IL18BP: variants seen among roughly 807,000 people sequenced by gnomAD.
The protein encoded by IL18BP is interleukin-18-binding protein.
In IL18BP, 23 loss-of-function variants were observed where a neutral mutation model predicts 19.9. The ratio of observed to expected loss-of-function variants is 1.15; its 90% CI spans 0.83 to 1.64. IL18BP has a LOEUF of 1.64. IL18BP is among the 40% of genes most tolerant of loss of function. IL18BP has a pLI of 0.00. For synonymous variants in IL18BP, 107 were observed against 101.0 expected (o/e 1.06, Z -0.35); for missense variants, 239 against 240.7 (o/e 0.99, Z 0.05).
intron 2 of IL18BP, 101 bp from the exon 3 acceptor site, chr11:72,000,249 TC>T: frequency 9.0e-7 from 1 of 1,116,404 alleles, no homozygotes; most frequent in South Asian, 1.3e-5. Context: ...CCGCTCTGAT[TC>T]CCTGGCTAGA....
At position 72,001,556 on chromosome 11, in the gene IL18BP, A is replaced by G; in HGVS notation, c.507+4A>G. ...CGTCGTCCTGGCCCAGCTCTGGGTG[A>G]GGAGCCCAAGGAGAGGCCTCCAGGA... On this transcript the variant is annotated splice_donor_region_variant and intron_variant, in intron 5 of 5. Transcript: ENST00000393703. The G allele has an allele frequency of 6.2e-7, 1 of 1,610,272 alleles. No homozygotes were observed. The highest frequency in any genetic ancestry group is 8.5e-7 in the Non-Finnish European group (1 of 1,178,290).
Position 72,001,978 on chromosome 11 carries a change from C to T in IL18BP, c.*117C>T. On this transcript the variant is annotated 3_prime_UTR_variant, in exon 6 of 6. Coordinates refer to ENST00000393703, the MANE Select transcript of IL18BP (RefSeq NM_001039660.2). ...GCTGCGTGGATGCGCAACACACCCC[C>T]TCCTTCTCTGCTTTGGGTCCCTTCT... 6.9e-7 allele frequency: 1 copy of T among 1,442,848 alleles called. No homozygotes were observed. The highest frequency in any genetic ancestry group is 9.4e-7 in the Non-Finnish European group (1 of 1,061,800). 89.4% of individuals were successfully genotyped at this position (1,442,848 alleles called of 1,614,324 possible). A position where few individuals can be genotyped will look rare whatever the true frequency, so the allele number is the denominator to read the frequency against.
downstream of IL18BP, chr11:72,005,347 G>A: frequency 1.2e-6 from 2 of 1,608,018 alleles, no homozygotes; most frequent in Non-Finnish European, 1.7e-6. Context: ...CCTGGCAAGT[G>A]CCCATGTAGA....
At chr11:71,999,219 G>A in intron 1 of IL18BP, 200 bp downstream of exon 1, 1 of 486,742 alleles carries the variant, frequency 2.1e-6, no homozygotes, top group Admixed American at 2.2e-5. Flanking sequence ...CCAACTTGGG[G>A]TTCCCCAGTG....
At position 72,000,383 on chromosome 11, in the gene IL18BP, G is replaced by A. The variant is rs186377970; in HGVS notation, c.61G>A (p.Ala21Thr). 1.5e-5 allele frequency: 24 copies of A among 1,613,936 alleles called. No homozygotes were observed. In the East Asian group the frequency reaches 5.1e-4, roughly 34 times the overall value. Residue 21 changes from alanine (A) to threonine (T), a missense_variant, in exon 3 of 6, where the codon GCC becomes ACC. Ala to Thr is a moderately conservative substitution (Grantham distance 58, BLOSUM62 0). Coordinates refer to ENST00000393703, the MANE Select transcript of IL18BP (RefSeq NM_001039660.2). The part of the protein sequence containing the change: ...LSPLWVLLLC[A>T]HVVTLLVRAT... ...CCCTTTGTGGGTCCTGCTCCTGTGT[G>A]CCCACGTCGTCACTCTCCTGGTCAG...
Position 72,000,373 on chromosome 11 carries a change from G to C in IL18BP, c.51G>C (p.Leu17=). ...CAGACCTCAGCCCTTTGTGGGTCCT[G>C]CTCCTGTGTGCCCACGTCGTCACTC... The part of the protein sequence containing the change: ...WTPDLSPLWV[L]LLCAHVVTLL... Residue 17 remains leucine (L), a synonymous_variant, in exon 3 of 6, where the codon CTG becomes CTC. Coordinates refer to ENST00000393703, the MANE Select transcript of IL18BP (RefSeq NM_001039660.2). The C allele has an allele frequency of 6.2e-7, 1 of 1,613,902 alleles. No homozygotes were observed. The highest frequency in any genetic ancestry group is 8.5e-7 in the Non-Finnish European group (1 of 1,180,006).
downstream of IL18BP, chr11:72,003,847 C>T: frequency 6.2e-7 from 1 of 1,601,740 alleles, no homozygotes; most frequent in Non-Finnish European, 8.5e-7. Context: ...TGCCCATGCT[C>T]TCATCGGGTT....
At chr11:72,004,145 C>T (rs2134341064), downstream of IL18BP, 1 of 1,610,466 alleles carries the variant, frequency 6.2e-7, no homozygotes, top group South Asian at 1.1e-5. Context: ...GCTGCCTTCC[C>T]AGGCCAGCGT....
rs773698241 is a variant in IL18BP, at chr11:72,000,545, G to C, written c.223G>C (p.Glu75Gln). Residue 75 changes from glutamate (E) to glutamine (Q), a missense_variant, in exon 3 of 6, where the codon GAA becomes CAA. Coordinates refer to ENST00000393703, the MANE Select transcript of IL18BP (RefSeq NM_001039660.2). ...ATTGGAAGTGACCTGGCCAGAGGTGGAAGTGCCACTGAGTAAGAAGCACAG... is the reference window on the plus strand; with the variant it reads ...ATTGGAAGTGACCTGGCCAGAGGTGCAAGTGCCACTGAGTAAGAAGCACAG... Reference protein sequence around the residue: ...PALEVTWPEVEVPLNGTLSLS... With the variant: ...PALEVTWPEVQVPLNGTLSLS... 6.2e-6 allele frequency: 10 copies of C among 1,610,884 alleles called. No individual in the cohort carries two copies. Among genetic ancestry groups the C allele is most frequent in the Middle Eastern group, 1.6e-4 (1 of 6,076 alleles).
At chr11:71,999,876 C>T in intron 1 of IL18BP, 51 bp from the exon 2 acceptor site, 5 of 1,127,700 alleles carry the variant, frequency 4.4e-6, no homozygotes, top group Non-Finnish European at 6.5e-6. Context: ...AAGCCAGCTA[C>T]TGAGAAAAAG....
At chr11:72,005,562 T>C (rs1225693805), downstream of IL18BP, 36 of 570,092 alleles carry the variant, frequency 6.3e-5, no homozygotes, top group Non-Finnish European at 9.1e-5. Context: ...CTCACCACCT[T>C]CTCCCTGGAG....
downstream of IL18BP, chr11:72,004,025 C>G (rs1955479220): frequency 6.2e-7 from 1 of 1,613,498 alleles, no homozygotes; most frequent in Non-Finnish European, 8.5e-7. Flanking sequence ...TTGAGGCTCC[C>G]CGCCGCAGAA....
In IL18BP at chr11:72,000,608, G is replaced by A. The variant is rs750264939; in HGVS notation, c.235+51G>A. ...GGCTATGGGCACAGAGGTTCCCAGGGTCGGGTTGACTCCTGAGCGCCAGTC... is the reference window on the plus strand; with the variant it reads ...GGCTATGGGCACAGAGGTTCCCAGGATCGGGTTGACTCCTGAGCGCCAGTC... On this transcript the variant is annotated intron_variant, in intron 3 of 5. Transcript: ENST00000393703. The A allele has an allele frequency of 7.2e-6, 11 of 1,534,102 alleles. No homozygotes were observed. The Admixed American group carries it at 1.9e-4, about 26-fold the overall frequency.
chr11:72,000,490 A>C lies in IL18BP; in HGVS notation c.168A>C (p.Pro56=), dbSNP rs777818979. ...STKDPCPSQP[P]VFPAAKQCPA... is the part of the protein sequence containing the mutation. ...AGGACCCCTGCCCCTCCCAGCCCCC[A>C]GTGTTCCCAGCAGCTAAGCAGTGTC... Residue 56 remains proline, a synonymous_variant, in exon 3 of 6, where the codon CCA becomes CCC. Coordinates refer to ENST00000393703, the MANE Select transcript of IL18BP (RefSeq NM_001039660.2). The C allele has an allele frequency of 1.1e-5, 17 of 1,613,692 alleles. No homozygotes were observed. In the African/African-American group the frequency reaches 1.9e-4, roughly 18 times the overall value.
At chr11:72,001,105 ATGGG>A (rs1955197941) in intron 3 of IL18BP, 92 bp from the exon 4 acceptor site, 2 of 1,483,616 alleles carry the variant, frequency 1.3e-6, no homozygotes, top group Non-Finnish European at 1.9e-6. Context: ...TTCCAGATGC[ATGGG>A]GACTGGGGGG....
chr11:72,005,802 T>C, downstream of IL18BP: 2 of 560,088 alleles, frequency 3.6e-6, no homozygotes, highest in Non-Finnish European at 6.3e-6. Flanking sequence ...AGTGTCACAA[T>C]TGTGCTGGGA....
intron 3 of IL18BP, 105 bp downstream of exon 3, chr11:72,000,662 C>CT: frequency 1.1e-5 from 10 of 939,792 alleles, no homozygotes; most frequent in Non-Finnish European, 1.6e-5. Context: ...ACCAGCTGAG[C>CT]CAGCTGGGCT....
At chr11:72,006,400 T>C (rs373225778), downstream of IL18BP, 8 of 685,500 alleles carry the variant, frequency 1.2e-5, no homozygotes, top group African/African-American at 1.4e-4. Flanking sequence ...TTAAAGTGTG[T>C]GTCTGCAAGA....
chr11:72,002,971 C>T (rs3168177), downstream of IL18BP: 1 of 234,044 alleles, frequency 4.3e-6, no homozygotes, highest in Non-Finnish European at 8.5e-6. Context: ...CAGTGCAAGT[C>T]TGGGGAAGGT....
Sources: gnomAD v4.1 joint callset for allele counts on GRCh38, gnomAD v4.1.1 for gene constraint, MANE v1.5 for transcripts, NCBI Gene and HGNC (gene_info 2026-07-23, HGNC 2026-07-21) for gene names.